The following CASS4 variants were observed in gnomAD, a reference collection of about 807,000 sequenced individuals.
The protein encoded by CASS4 is Cas scaffold protein family member 4.
CASS4 carries 22 observed loss-of-function variants against 54.2 expected under a neutral mutation model. The ratio of observed to expected loss-of-function variants is 0.41; its 90% CI spans 0.29 to 0.58. The LOEUF (loss-of-function observed/expected upper bound fraction) is 0.58. Ranked by LOEUF, CASS4 falls within the 20% of genes least tolerant of loss-of-function variation. The pLI is 0.36. For missense variants in CASS4, 854 were observed against 986.7 expected (o/e 0.87, Z 1.80); for synonymous variants, 409 against 391.5 (o/e 1.04, Z -0.53).
chr20:56,457,399 A>C (rs1981351655), intron 5 of CASS4, among the ~76,000 whole-genome samples: 1 of 152,162 alleles, frequency 6.6e-6, no homozygotes, highest in Non-Finnish European at 1.5e-5. Flanking sequence ...AGTTGTGGCC[A>C]CTAAGTTAGG....
At position 56,452,121 on chromosome 20, in the gene CASS4, T is replaced by C. The variant is rs369609263; in HGVS notation, c.945T>C (p.Leu315=). ...CAGAAATTCCTTCTTATGGCTTTCT[T>C]GTACCCAGAGGCACATTTCCTTTGG... ...SLPEIPSYGF[L]VPRGTFPLDE... Residue 315 remains leucine (L), a synonymous_variant, in exon 5 of 6, where the codon CTT becomes CTC. Transcript: ENST00000679887. 6.2e-7 allele frequency: 1 copy of C among 1,614,228 alleles called. No individual in the cohort carries two copies. Among genetic ancestry groups the C allele is most frequent in the Non-Finnish European group, 8.5e-7 (1 of 1,180,042 alleles).
At chr20:56,443,260 T>C (rs1389542151) in intron 2 of CASS4, among the ~76,000 whole-genome samples, 1 of 151,150 alleles carries the variant, frequency 6.6e-6, no homozygotes, top group African/African-American at 2.5e-5. Context: ...GGCAGGTGGA[T>C]CACTTGAGGT....
At chr20:56,423,587 C>T (rs1208310209) in intron 1 of CASS4, among the ~76,000 whole-genome samples, 3 of 151,910 alleles carry the variant, frequency 2.0e-5, no homozygotes, top group African/African-American at 7.3e-5. Context: ...CTCTGTTGCC[C>T]AGGCTGGAAT....
At chr20:56,450,509 G>A in intron 3 of CASS4, 90 bp from the exon 4 acceptor site, 4 of 1,211,284 alleles carry the variant, frequency 3.3e-6, no homozygotes, top group Non-Finnish European at 2.4e-6. Flanking sequence ...GTCTTCCTTT[G>A]GAAAAAAACA....
At chr20:56,427,362 AT>A in intron 1 of CASS4, among the ~76,000 whole-genome samples, 1 of 151,830 alleles carries the variant, frequency 6.6e-6, no homozygotes, top group African/African-American at 2.4e-5. Context: ...TGGTGAGGGG[AT>A]TTTTCTTACG....
rs992861360 is a variant in CASS4, at chr20:56,452,997, G to C, written c.1821G>C (p.Lys607Asn). The change falls in exon 5 of 6, where the codon AAG (lysine) becomes AAC (asparagine). Residue 607 changes from lysine to asparagine, a missense_variant. Physicochemically the swap from Lys to Asn is moderately conservative, Grantham distance 94. Coordinates refer to ENST00000679887, the MANE Select transcript of CASS4 (RefSeq NM_020356.4). ...TVQLTPNAEF[K>N]CEKYIQPPQR... The stretch of plus-strand genomic sequence containing the variant: ...AGTTGACCCCAAATGCAGAATTTAA[G>C]TGTGAAAAATACATCCAGCCTCCCC... 2.5e-6 allele frequency: 4 copies of C among 1,613,952 alleles called. No homozygotes were observed. The Admixed American group carries it at 6.7e-5, about 27-fold the overall frequency.
At chr20:56,436,705 T>C (rs763082149) in intron 1 of CASS4, among the ~76,000 whole-genome samples, 1 of 151,882 alleles carries the variant, frequency 6.6e-6, no homozygotes, top group Admixed American at 6.6e-5. Flanking sequence ...GCCTGGGCAA[T>C]GGCAAAACCC....
Position 56,426,645 on chromosome 20 carries a change from G to A in CASS4, c.37-10519G>A, listed in dbSNP as rs551217579. On this transcript the variant is annotated intron_variant, in intron 1 of 5. Transcript: ENST00000679887. Reference sequence around the variant, plus strand: ...GGCTGGAGAGCAGTGGCACAATCCCGGCTCATTGCAATCTCCACCTAGCCC... The same window carrying A: ...GGCTGGAGAGCAGTGGCACAATCCCAGCTCATTGCAATCTCCACCTAGCCC... Among the ~76,000 whole-genome samples the A allele has an allele frequency of 1.5e-4, 23 of 151,698 alleles. No homozygotes were observed. In the East Asian group the frequency reaches 2.9e-3, roughly 19 times the overall value.
chr20:56,452,945 G>A lies in CASS4; in HGVS notation c.1769G>A (p.Arg590Gln), dbSNP rs775960291. 24 of 1,613,884 alleles carry A rather than the reference G, an allele frequency of 1.5e-5. No individual in the cohort carries two copies. Among genetic ancestry groups the A allele is most frequent in the African/African-American group, 1.2e-4 (9 of 74,860 alleles). Residue 590 changes from arginine (R) to glutamine (Q), a missense_variant, in exon 5 of 6, where the codon CGG becomes CAG. Physicochemically the swap from Arg to Gln is conservative, Grantham distance 43 (BLOSUM62 1). Transcript: ENST00000679887. The stretch of plus-strand genomic sequence containing the variant: ...GCCAATGGAAGGCTCCTTTTTAAGC[G>A]GAACTGTGAAAAGGAAGAGACTGTG... ...VIANGRLLFK[R>Q]NCEKEETVQL...
At chr20:56,443,772 G>A (rs1448333492) in intron 2 of CASS4, among the ~76,000 whole-genome samples, 1 of 152,148 alleles carries the variant, frequency 6.6e-6, no homozygotes, top group African/African-American at 2.4e-5. Flanking sequence ...TGGGAACCAC[G>A]AAGCGGAGAT....
In CASS4 at chr20:56,430,026, C is replaced by G. The variant is rs567989407; in HGVS notation, c.37-7138C>G. 5.9e-5 allele frequency among the ~76,000 whole-genome samples: 9 copies of G among 152,290 alleles called. No homozygotes were observed. The East Asian group carries it at 1.5e-3, about 26-fold the overall frequency. On this transcript the variant is annotated intron_variant, in intron 1 of 5. Coordinates refer to ENST00000679887, the MANE Select transcript of CASS4 (RefSeq NM_020356.4). This position sits in a 1 kb window ranked among gnomAD's most constrained non-coding sequence, Gnocchi z 4.2. ...CATGTACATGGCATGAGATCAGAAA[C>G]AGTTTTGTTCACCACGATGCCTCCA...
At chr20:56,423,758 T>C (rs546675447) in intron 1 of CASS4, among the ~76,000 whole-genome samples, 3 of 152,254 alleles carry the variant, frequency 2.0e-5, no homozygotes, top group Non-Finnish European at 4.4e-5. Flanking sequence ...TTGGCCAGGC[T>C]GGTCTTGAAC....
intron 1 of CASS4, among the ~76,000 whole-genome samples, chr20:56,418,104 A>G (rs1381676695): frequency 1.3e-5 from 2 of 152,142 alleles, no homozygotes; most frequent in East Asian, 3.8e-4. Flanking sequence ...TGACATTCCA[A>G]TGGAGTGAGC....
intron 1 of CASS4, among the ~76,000 whole-genome samples, chr20:56,436,424 G>A (rs1278775169): frequency 2.7e-5 from 4 of 147,346 alleles, no homozygotes; most frequent in African/African-American, 5.0e-5. Flanking sequence ...ATATCAACCC[G>A]TCATATATAG....
At chr20:56,455,133 T>TTAA (rs11472394) in intron 5 of CASS4, among the ~76,000 whole-genome samples, 3 of 149,646 alleles carry the variant, frequency 2.0e-5, no homozygotes, top group Non-Finnish European at 4.5e-5. Context: ...CTTCCTTTTT[T>TTAA]AAAAAAAAAA....
chr20:56,426,859 A>C (rs1243813769), intron 1 of CASS4, among the ~76,000 whole-genome samples: 1 of 152,184 alleles, frequency 6.6e-6, no homozygotes, highest in Non-Finnish European at 1.5e-5. Flanking sequence ...GATTACAGGC[A>C]TGAGCCACCG....
chr20:56,452,807 T>C lies in CASS4; in HGVS notation c.1631T>C (p.Leu544Pro), dbSNP rs200192753. ...KESLDNRNWPLEVLVTDSVQN... is the reference protein window; with the variant it reads ...KESLDNRNWPPEVLVTDSVQN... ...AGCTTGGATAATCGCAATTGGCCTC[T>C]GGAAGTTCTTGTGACTGACAGTGTC... The change falls in exon 5 of 6, where the codon CTG (leucine) becomes CCG (proline). Residue 544 changes from leucine (L) to proline (P), a missense_variant. Physicochemically the swap from Leu to Pro is moderately conservative, Grantham distance 98. Transcript: ENST00000679887. 5.0e-6 allele frequency: 8 copies of C among 1,613,978 alleles called. No individual in the cohort carries two copies. In the African/African-American group the frequency reaches 8.0e-5, roughly 16 times the overall value.
intron 1 of CASS4, among the ~76,000 whole-genome samples, chr20:56,428,091 T>C (rs1342849135): frequency 6.6e-6 from 1 of 152,240 alleles, no homozygotes; most frequent in Non-Finnish European, 1.5e-5. Context: ...CACTGTATGA[T>C]TTACCTTCCC....
At chr20:56,436,425 T>TAG (rs1980171349) in intron 1 of CASS4, among the ~76,000 whole-genome samples, 1 of 149,548 alleles carries the variant, frequency 6.7e-6, no homozygotes, top group South Asian at 2.1e-4. Context: ...TATCAACCCG[T>TAG]CATATATAGT....
Sources: gnomAD v4.1 joint callset for allele counts (sites outside exome capture counted in the v4.1 genomes callset) on GRCh38, gnomAD v4.1.1 for gene constraint, Gnocchi (gnomAD v3.1) non-coding constraint, MANE v1.5 for transcripts, NCBI Gene and HGNC (gene_info 2026-07-23, HGNC 2026-07-21) for gene names.